Variants in TUBB8 observed in about 807,000 individuals in gnomAD.
TUBB8 encodes the protein tubulin beta 8 class VIII.
A neutral mutation model predicts 33.7 loss-of-function variants in TUBB8; 25 were observed. The observed-to-expected ratio is 0.74, with a 90% CI of 0.54 to 1.04. TUBB8 has a LOEUF of 1.04. Ranked by LOEUF, TUBB8 falls within the 50% of genes least tolerant of loss-of-function variation. TUBB8 has a pLI of 0.00. For synonymous variants in TUBB8, 245 were observed against 240.1 expected, an observed-to-expected ratio of 1.02 and a Z score of -0.19; for missense variants, 279 against 608.0, an observed-to-expected ratio of 0.46 and a Z score of 5.69.
intron 1 of TUBB8, among the ~76,000 whole-genome samples, chr10:66,193 A>ATGGCTACT (rs1834668558): frequency 6.6e-6 from 1 of 152,256 alleles, no homozygotes; most frequent in Non-Finnish European, 1.5e-5. Flanking sequence ...AACAGTACAA[A>ATGGCTACT]TGGCTACTCA....
intron 1 of TUBB8, among the ~76,000 whole-genome samples, chr10:61,825 T>G (rs1834606142): frequency 6.6e-6 from 1 of 152,242 alleles, no homozygotes; most frequent in African/African-American, 2.4e-5. Context: ...CAAGAATTGA[T>G]CTCTTTATTA....
intron 1 of TUBB8, among the ~76,000 whole-genome samples, chr10:63,702 T>C (rs1834631384): frequency 6.6e-6 from 1 of 152,254 alleles, no homozygotes; most frequent in Non-Finnish European, 1.5e-5. Flanking sequence ...CTGTGTTATA[T>C]TGAATTTCTT....
upstream of TUBB8, among the ~76,000 whole-genome samples, chr10:76,062 C>G (rs1554743165): frequency 6.6e-6 from 1 of 150,910 alleles, no homozygotes; most frequent in East Asian, 2.0e-4. Flanking sequence ...TCGCTTGAAC[C>G]CGGGAGGCGG....
At chr10:76,139 CAAAAAAAA>C (rs71374333), upstream of TUBB8, among the ~76,000 whole-genome samples, 2 of 73,360 alleles carry the variant, frequency 2.7e-5, no homozygotes, top group African/African-American at 1.3e-4. Context: ...AACTCCGTCT[CAAAAAAAA>C]AAAAAAAAAA....
At chr10:53,081 G>C (rs1834488734), upstream of TUBB8, among the ~76,000 whole-genome samples, 1 of 152,190 alleles carries the variant, frequency 6.6e-6, no homozygotes, top group South Asian at 2.1e-4. Flanking sequence ...AGTTGACACA[G>C]TTGATATGCA....
rs184135099 is a variant in TUBB8 at position 48,494 on chromosome 10, A to G, written c.277+121T>C. 1.7e-5 allele frequency: 16 copies of G among 953,952 alleles called. No homozygotes were observed. The East Asian group carries it at 3.0e-4, about 18-fold the overall frequency. 59.1% of individuals were successfully genotyped at this position (953,952 alleles called of 1,614,324 possible). ...AGGCAGATTGAGCGACTCGACTCGG[A>G]GGATAGGAGGGTGTTCAGGGGCCCT... On this transcript the variant is annotated intron_variant, in intron 3 of 3. Coordinates refer to ENST00000568584, the MANE Select transcript of TUBB8 (RefSeq NM_177987.3).
chr10:67,153 GTTT>G (rs199984115), intron 1 of TUBB8, among the ~76,000 whole-genome samples: 2 of 140,402 alleles, frequency 1.4e-5, no homozygotes, highest in Admixed American at 7.1e-5. Context: ...TTTTTTTGTT[GTTT>G]TTTTTTTTTT....
At chr10:49,599 G>A (rs1409518915), upstream of TUBB8, 10 of 524,914 alleles carry the variant, frequency 1.9e-5, no homozygotes, top group East Asian at 3.5e-4. Context: ...TATGCACGGA[G>A]TGCCTTTGCA....
chr10:58,324 C>T lies in TUBB8; in HGVS notation c.-845-8091G>A, dbSNP rs1257768701. Reference sequence around the variant, plus strand: ...CTTCTTCTGAGTGCTACAAACTCTTCCAACCTCTGCCTGTTTACCCAATTA... The same window carrying T: ...CTTCTTCTGAGTGCTACAAACTCTTTCAACCTCTGCCTGTTTACCCAATTA... On this transcript the variant is annotated intron_variant, in intron 1 of 3. Transcript: ENST00000564130. 2.6e-5 allele frequency among the ~76,000 whole-genome samples: 4 copies of T among 152,232 alleles called. No homozygotes were observed. In the East Asian group the frequency reaches 7.7e-4, roughly 29 times the overall value.
At chr10:46,878 G>A (rs1487438435), downstream of TUBB8, 8 of 517,000 alleles carry the variant, frequency 1.5e-5, no homozygotes, top group Non-Finnish European at 2.4e-5. Flanking sequence ...AAAGAAGATG[G>A]AGGCAAAACC....
upstream of TUBB8, among the ~76,000 whole-genome samples, chr10:75,921 C>T (rs1834807388): frequency 6.6e-6 from 1 of 151,864 alleles, no homozygotes; most frequent in South Asian, 2.1e-4. Context: ...GGTGGATTTC[C>T]TGGGGTCAGG....
upstream of TUBB8, chr10:49,349 C>A (rs74113794): frequency 1.4e-4 from 153 of 1,126,814 alleles, no homozygotes; most frequent in African/African-American, 8.2e-4. Context: ...CACCTCCCTC[C>A]GCCTCGGATT....
chr10:66,697 C>T (rs1554741660), intron 1 of TUBB8, among the ~76,000 whole-genome samples: 1 of 152,232 alleles, frequency 6.6e-6, no homozygotes. Context: ...ACAGGCTGGA[C>T]ATGGTAGCTG....
chr10:56,280 G>A (rs1223733983), intron 1 of TUBB8, among the ~76,000 whole-genome samples: 1 of 152,002 alleles, frequency 6.6e-6, no homozygotes, highest in Non-Finnish European at 1.5e-5. Flanking sequence ...CCAGTTTGTT[G>A]ACTGTTGGCA....
chr10:48,468 G>A (rs1834401517), intron 3 of TUBB8, 147 bp downstream of exon 3: 1 of 774,934 alleles, frequency 1.3e-6, no homozygotes, highest in Non-Finnish European at 2.2e-6. Context: ...CCATTTAGGA[G>A]AGGCAGATTG....
chr10:50,951 A>G (rs1316730734), upstream of TUBB8, among the ~76,000 whole-genome samples: 1 of 152,106 alleles, frequency 6.6e-6, no homozygotes, highest in East Asian at 1.9e-4. Context: ...TGCTAGAATC[A>G]ATTTGTTTCA....
upstream of TUBB8, chr10:50,234 CT>C (rs1294953955): frequency 1.3e-5 from 2 of 152,150 alleles, no homozygotes; most frequent in African/African-American, 4.8e-5. Flanking sequence ...AGATTTACCC[CT>C]ATAAACAAAT....
chr10:71,901 C>T (rs1462905172), intron 1 of TUBB8, among the ~76,000 whole-genome samples: 1 of 148,952 alleles, frequency 6.7e-6, no homozygotes, highest in Non-Finnish European at 1.5e-5. Flanking sequence ...TAGAGCAAGA[C>T]CTTCTCTCTT....
At chr10:72,114 G>A (rs1235142310) in intron 1 of TUBB8, among the ~76,000 whole-genome samples, 7,669 of 117,300 alleles carry the variant, frequency 0.065, no homozygotes, top group African/African-American at 0.18. Flanking sequence ...ATTCCCAGCT[G>A]CTCAGGAGGC....
Sources: gnomAD v4.1 joint callset for allele counts (sites outside exome capture counted in the v4.1 genomes callset) on GRCh38, gnomAD v4.1.1 for gene constraint, MANE v1.5 for transcripts, NCBI Gene and HGNC (gene_info 2026-07-23, HGNC 2026-07-21) for gene names.